Variants in BANK1 observed in about 807,000 individuals in gnomAD.
The protein encoded by BANK1 is B cell scaffold protein with ankyrin repeats 1.
In BANK1, 95 loss-of-function variants were observed where a neutral mutation model predicts 94.5. The observed-to-expected ratio is 1.00, with a 90% CI of 0.85 to 1.19. The LOEUF is 1.19. BANK1 is among the 50% of genes most tolerant of loss of function. The pLI is 0.00. For missense variants in BANK1, 987 were observed against 932.2 expected, an observed-to-expected ratio of 1.06 and a Z score of -0.77; for synonymous variants, 334 against 308.4, an observed-to-expected ratio of 1.08 and a Z score of -0.87.
chr4:102,059,259 C>G (rs1490526927), intron 11 of BANK1, among the ~76,000 whole-genome samples: 2 of 152,152 alleles, frequency 1.3e-5, no homozygotes, highest in Non-Finnish European at 2.9e-5. Context: ...TTAGGTAGGA[C>G]TGGCTATTCT....
chr4:101,981,880 G>T (rs1009849937), intron 7 of BANK1: 4 of 152,180 alleles, frequency 2.6e-5, no homozygotes, highest in African/African-American at 9.7e-5. Flanking sequence ...CTTCCTGAAA[G>T]CACTGCTGCT....
intron 7 of BANK1, among the ~76,000 whole-genome samples, chr4:101,990,088 G>A (rs931699776): frequency 1.3e-5 from 2 of 152,070 alleles, no homozygotes; most frequent in Non-Finnish European, 2.9e-5. Flanking sequence ...TTTTCAGACT[G>A]TAATAATTAA....
chr4:101,925,935 T>A (rs1723138023), intron 7 of BANK1, among the ~76,000 whole-genome samples: 2 of 151,738 alleles, frequency 1.3e-5, no homozygotes, highest in Admixed American at 1.3e-4. Context: ...TGACACCATA[T>A]CTGTCGAGCG....
At chr4:101,921,999 A>G (rs1176847180) in intron 7 of BANK1, among the ~76,000 whole-genome samples, 1 of 144,828 alleles carries the variant, frequency 6.9e-6, no homozygotes, top group African/African-American at 2.6e-5. Flanking sequence ...GTCCCTGTGG[A>G]CACTGGGCCC....
chr4:102,041,938 A>G (rs2148955457), intron 10 of BANK1, among the ~76,000 whole-genome samples: 1 of 152,176 alleles, frequency 6.6e-6, no homozygotes. Context: ...AAAAAGCTGG[A>G]AAAATAATTT....
chr4:101,796,264 A>C (rs1200543710), intron 1 of BANK1, among the ~76,000 whole-genome samples: 2 of 152,096 alleles, frequency 1.3e-5, no homozygotes, highest in Non-Finnish European at 2.9e-5. Context: ...TGCCCATGAA[A>C]TTGTTTATAG....
intron 7 of BANK1, among the ~76,000 whole-genome samples, chr4:101,958,187 C>T (rs1724433707): frequency 6.6e-6 from 1 of 152,068 alleles, no homozygotes; most frequent in Non-Finnish European, 1.5e-5. Context: ...TATACTTAAC[C>T]ATCTATTTAT....
intron 1 of BANK1, among the ~76,000 whole-genome samples, chr4:101,796,845 G>A (rs932790985): frequency 2.6e-5 from 4 of 152,026 alleles, no homozygotes; most frequent in Non-Finnish European, 4.4e-5. Flanking sequence ...AATGGTTGGG[G>A]CATTTATCTT....
intron 7 of BANK1, among the ~76,000 whole-genome samples, chr4:101,937,474 C>T (rs908831075): frequency 2.0e-5 from 3 of 151,918 alleles, no homozygotes; most frequent in African/African-American, 7.2e-5. Context: ...ATGTGGCCAA[C>T]AAACATATGA....
At chr4:101,799,525 C>A (rs1348491732) in intron 1 of BANK1, among the ~76,000 whole-genome samples, 1 of 152,126 alleles carries the variant, frequency 6.6e-6, no homozygotes, top group Non-Finnish European at 1.5e-5. Flanking sequence ...TGGCACTATT[C>A]ACAATAGCAA....
intron 2 of BANK1, among the ~76,000 whole-genome samples, chr4:101,833,903 A>G (rs1726721327): frequency 6.6e-6 from 1 of 152,094 alleles, no homozygotes; most frequent in Non-Finnish European, 1.5e-5. Flanking sequence ...AAGTATATTA[A>G]ACTTTTTTGA....
intron 5 of BANK1, among the ~76,000 whole-genome samples, chr4:101,881,422 A>G (rs1728672446): frequency 1.3e-5 from 2 of 152,146 alleles, no homozygotes; most frequent in South Asian, 4.1e-4. Flanking sequence ...TCCAAAAGAC[A>G]GGCAATAACA....
In BANK1 at chr4:102,046,456, G is replaced by A. The variant is rs116629901; in HGVS notation, c.1969+2549G>A. Among the ~76,000 whole-genome samples, 620 of 152,158 alleles carry A rather than the reference G, an allele frequency of 4.1e-3. 4 individuals carry two copies. The highest frequency in any genetic ancestry group is 0.014 in the African/African-American group (590 of 41,514). On this transcript the variant is annotated intron_variant, in intron 11 of 16. Coordinates refer to ENST00000322953, the MANE Select transcript of BANK1 (RefSeq NM_017935.5). ...GATGTTATCATGAGGGTTCCAGGAA[G>A]GTCAAGTAAGAAAAATTATCTAAGA...
chr4:101,801,704 A>G (rs1174670963), intron 1 of BANK1, among the ~76,000 whole-genome samples: 1 of 152,212 alleles, frequency 6.6e-6, no homozygotes, highest in Non-Finnish European at 1.5e-5. Context: ...TGTGTGTTAT[A>G]TATTCACATG....
Position 101,862,657 on chromosome 4 carries a change from A to G in BANK1, c.756A>G (p.Lys252=), listed in dbSNP as rs866352013. 6.2e-7 allele frequency: 1 copy of G among 1,600,118 alleles called. No individual in the cohort carries two copies. Among genetic ancestry groups the G allele is most frequent in the South Asian group, 1.1e-5 (1 of 87,802 alleles). Reference sequence around the variant, plus strand: ...GGAATAAGAAAGTCTGGTGCATGAAAGCTTTAGGTAAGAATGTTTATGATT... The same window carrying G: ...GGAATAAGAAAGTCTGGTGCATGAAGGCTTTAGGTAAGAATGTTTATGATT... ...ALWNKKVWCM[K]ALEFPAGSVH... Residue 252 remains lysine (K), a synonymous_variant, in exon 4 of 17, where the codon AAA becomes AAG. Transcript: ENST00000322953.
intron 7 of BANK1, among the ~76,000 whole-genome samples, chr4:101,983,574 T>G (rs908116210): frequency 6.6e-6 from 1 of 152,064 alleles, no homozygotes; most frequent in Non-Finnish European, 1.5e-5. Context: ...TTCAGAAAAT[T>G]GTTGGAAGAC....
chr4:101,947,204 T>A (rs1723958086), intron 7 of BANK1, among the ~76,000 whole-genome samples: 1 of 149,942 alleles, frequency 6.7e-6, no homozygotes, highest in Non-Finnish European at 1.5e-5. Context: ...CAAATGTAGG[T>A]GTACTCTAAA....
At chr4:101,833,207 G>A (rs1329614335) in intron 2 of BANK1, among the ~76,000 whole-genome samples, 2 of 152,080 alleles carry the variant, frequency 1.3e-5, no homozygotes, top group African/African-American at 2.4e-5. Flanking sequence ...TTGAACTCCC[G>A]ACCTCAGGTG....
At chr4:101,872,760 G>T (rs1728342303) in intron 5 of BANK1, among the ~76,000 whole-genome samples, 1 of 152,078 alleles carries the variant, frequency 6.6e-6, no homozygotes, top group Admixed American at 6.6e-5. Context: ...TTCGAGGCAG[G>T]TGGATCACTT....
Sources: gnomAD v4.1 joint callset for allele counts (sites outside exome capture counted in the v4.1 genomes callset) on GRCh38, gnomAD v4.1.1 for gene constraint, MANE v1.5 for transcripts, NCBI Gene and HGNC (gene_info 2026-07-23, HGNC 2026-07-21) for gene names.